RIMS1: variants seen among roughly 807,000 people sequenced by gnomAD.
The protein encoded by RIMS1 is regulating synaptic membrane exocytosis 1.
RIMS1 carries 83 observed loss-of-function variants against 214.1 expected under a neutral mutation model. The observed-to-expected ratio is 0.39, with a 90% CI of 0.32 to 0.47. RIMS1 has a LOEUF of 0.47. Among genes scored for constraint, RIMS1 ranks in the 20% least tolerant of loss-of-function variants. The pLI, the probability that RIMS1 is intolerant of heterozygous loss-of-function variation, is 0.99. For synonymous variants in RIMS1, 793 were observed against 786.8 expected (o/e 1.01, Z -0.13); for missense variants, 2,050 against 2,161.8 (o/e 0.95, Z 1.03).
chr6:72,285,628 G>T (rs1350316223), intron 24 of RIMS1, among the ~76,000 whole-genome samples: 3 of 152,156 alleles, frequency 2.0e-5, no homozygotes, highest in Non-Finnish European at 2.9e-5. Context: ...GTAGTACAAA[G>T]AGTTGGACTT....
rs141963943 is a variant in RIMS1 at position 72,106,951 on chromosome 6, T to G, written c.471+6965T>G. Among the ~76,000 whole-genome samples the G allele has an allele frequency of 6.1e-3, 923 of 152,334 alleles. 4 individuals are homozygous for G. The highest frequency in any genetic ancestry group is 0.01 in the Middle Eastern group (3 of 292). The stretch of plus-strand genomic sequence containing the variant: ...ACTAACTTCTCTTAGTATATCTTTC[T>G]CTTATATACTTTCATACCTATTTTC... On this transcript the variant is annotated intron_variant, in intron 4 of 33. Transcript: ENST00000521978.
At position 72,107,929 on chromosome 6, in the gene RIMS1, T is replaced by C. The variant is rs774056069; in HGVS notation, c.471+7943T>C. 5.9e-5 allele frequency among the ~76,000 whole-genome samples: 9 copies of C among 152,326 alleles called. No individual in the cohort carries two copies. The South Asian group carries it at 1.2e-3, about 21-fold the overall frequency. The stretch of plus-strand genomic sequence containing the variant: ...CAAGGCCTAATTCCTGTGATGTTTA[T>C]ATCAGAGATTACACAACAGCCTTAG... On this transcript the variant is annotated intron_variant, in intron 4 of 33. Transcript: ENST00000521978.
At chr6:72,291,214 A>G (rs2093341041) in intron 25 of RIMS1, among the ~76,000 whole-genome samples, 3 of 152,160 alleles carry the variant, frequency 2.0e-5, no homozygotes, top group Non-Finnish European at 2.9e-5. Flanking sequence ...CATAAGAGGA[A>G]ATTTTAAAAA....
chr6:72,202,754 G>C (rs928215326), intron 6 of RIMS1, among the ~76,000 whole-genome samples: 1 of 152,088 alleles, frequency 6.6e-6, no homozygotes, highest in Admixed American at 6.5e-5. Flanking sequence ...TTATGAAGAG[G>C]GTTTAATATC....
intron 4 of RIMS1, among the ~76,000 whole-genome samples, chr6:72,165,751 GA>G (rs1041330801): frequency 1.3e-5 from 2 of 152,028 alleles, no homozygotes; most frequent in Non-Finnish European, 2.9e-5. Flanking sequence ...TGAGTAAGGA[GA>G]AAAAATGCTG....
At chr6:72,130,479 T>C (rs72936929) in intron 4 of RIMS1, among the ~76,000 whole-genome samples, 8,198 of 152,202 alleles carry the variant, frequency 0.054, 295 homozygotes, top group Middle Eastern at 0.095. Flanking sequence ...AATATCAAGA[T>C]AGGAACCGAT....
intron 2 of RIMS1, among the ~76,000 whole-genome samples, chr6:72,003,436 T>A (rs1742503564): frequency 6.6e-6 from 1 of 152,036 alleles, no homozygotes; most frequent in African/African-American, 2.4e-5. Context: ...AATACATGAA[T>A]GAATGAATGA....
chr6:72,333,796 T>A lies in RIMS1; in HGVS notation c.4327T>A (p.Ser1443Thr), dbSNP rs1186497183. The A allele has an allele frequency of 1.9e-6, 3 of 1,593,290 alleles. No homozygotes were observed. Among genetic ancestry groups the A allele is most frequent in the African/African-American group, 1.3e-5 (1 of 74,476 alleles). The change falls in exon 29 of 34, where the codon TCT becomes ACT. Residue 1443 changes from serine to threonine, a missense_variant. This residue lies in a region of RIMS1 where 889 missense variants were observed against 885.5 expected (regional missense o/e 1.00). Coordinates refer to ENST00000521978, the MANE Select transcript of RIMS1 (RefSeq NM_014989.7). ...TAGTGCCAAAGTGGTTGCCATAGTGTCTCGAAGGAGTAGAAGCACATCCCA... is the reference window on the plus strand; with the variant it reads ...TAGTGCCAAAGTGGTTGCCATAGTGACTCGAAGGAGTAGAAGCACATCCCA... ...SLSAKVVAIV[S>T]RRSRSTSQLS...
chr6:72,134,850 T>A (rs1280061960), intron 4 of RIMS1, among the ~76,000 whole-genome samples: 1 of 152,060 alleles, frequency 6.6e-6, no homozygotes, highest in Non-Finnish European at 1.5e-5. Context: ...TAGACAAACA[T>A]GAACAAATAC....
At chr6:71,990,971 C>T (rs1352697792) in intron 2 of RIMS1, among the ~76,000 whole-genome samples, 2 of 152,120 alleles carry the variant, frequency 1.3e-5, no homozygotes, top group African/African-American at 4.8e-5. Flanking sequence ...AATTCTGTCA[C>T]ATCTAAGAAG....
intron 29 of RIMS1, among the ~76,000 whole-genome samples, chr6:72,374,609 G>T (rs1337406347): frequency 2.0e-5 from 3 of 148,928 alleles, no homozygotes; most frequent in African/African-American, 7.5e-5. Flanking sequence ...CTGAAATGAA[G>T]TGGTCAGAGT....
chr6:72,103,254 A>G (rs2034019187), intron 4 of RIMS1, among the ~76,000 whole-genome samples: 1 of 152,154 alleles, frequency 6.6e-6, no homozygotes, highest in Non-Finnish European at 1.5e-5. Flanking sequence ...AAGATAATTC[A>G]GAAAGCTGTG....
At chr6:72,306,219 A>G (rs919105733) in intron 26 of RIMS1, among the ~76,000 whole-genome samples, 2 of 151,992 alleles carry the variant, frequency 1.3e-5, no homozygotes, top group African/African-American at 4.8e-5. Context: ...TCAGTGACCA[A>G]TAAGCAATTT....
intron 6 of RIMS1, among the ~76,000 whole-genome samples, chr6:72,192,096 A>T (rs1215956973): frequency 5.3e-5 from 8 of 152,210 alleles, no homozygotes; most frequent in Non-Finnish European, 1.2e-4. Flanking sequence ...CCAATTATGC[A>T]TTCTGTTACT....
intron 11 of RIMS1, among the ~76,000 whole-genome samples, chr6:72,246,823 CATT>C (rs1345162694): frequency 6.6e-6 from 1 of 152,156 alleles, no homozygotes; most frequent in Non-Finnish European, 1.5e-5. Flanking sequence ...TACAAACAAG[CATT>C]ATTAGAAATA....
intron 25 of RIMS1, among the ~76,000 whole-genome samples, chr6:72,291,338 C>T (rs765228122): frequency 2.0e-5 from 3 of 152,110 alleles, no homozygotes; most frequent in African/African-American, 7.2e-5. Context: ...AGTAATATAT[C>T]GGCACACTTC....
At chr6:72,395,873 A>C (rs2098768800) in intron 31 of RIMS1, among the ~76,000 whole-genome samples, 1 of 151,958 alleles carries the variant, frequency 6.6e-6, no homozygotes, top group Admixed American at 6.6e-5. Context: ...AAATATGTAC[A>C]TATATTATGT....
intron 4 of RIMS1, among the ~76,000 whole-genome samples, chr6:72,105,466 G>A (rs1413983789): frequency 6.6e-6 from 1 of 151,876 alleles, no homozygotes; most frequent in Non-Finnish European, 1.5e-5. Flanking sequence ...GTTTAACCAA[G>A]CAGCCACTAA....
At chr6:72,217,320 A>T in intron 6 of RIMS1, 1 of 1,299,286 alleles carries the variant, frequency 7.7e-7, no homozygotes, top group Non-Finnish European at 1.1e-6. Flanking sequence ...AAAGAGTAAG[A>T]TACTAAAATG....
Sources: gnomAD v4.1 joint callset for allele counts (sites outside exome capture counted in the v4.1 genomes callset) on GRCh38, gnomAD v4.1.1 for gene constraint, gnomAD v4.1.1 regional missense constraint, MANE v1.5 for transcripts, NCBI Gene and HGNC (gene_info 2026-07-23, HGNC 2026-07-21) for gene names.